The following TENM3 variants were observed in gnomAD, a reference collection of about 807,000 sequenced individuals.
TENM3 encodes the protein teneurin transmembrane protein 3.
A neutral mutation model predicts 255.1 loss-of-function variants in TENM3; 63 were observed. The ratio of observed to expected loss-of-function variants is 0.25; its 90% CI spans 0.20 to 0.30. TENM3 has a LOEUF of 0.30. TENM3 is among the 10% of genes least tolerant of loss of function. TENM3 has a pLI of 1.00. For missense variants in TENM3, 2,929 were observed against 3,461.1 expected (o/e 0.85, Z 3.86); for synonymous variants, 1,306 against 1,322.3 (o/e 0.99, Z 0.27).
chr4:181,735,642 C>A, the TENM3 span, among the ~76,000 whole-genome samples: 2 of 152,110 alleles, frequency 1.3e-5, no homozygotes, highest in African/African-American at 4.8e-5. Context: ...AGACATCTCT[C>A]TTATATGGCC....
At chr4:182,392,502 C>T (rs1463022447) in intron 3 of TENM3, among the ~76,000 whole-genome samples, 1 of 152,172 alleles carries the variant, frequency 6.6e-6, no homozygotes, top group East Asian at 1.9e-4. Flanking sequence ...AATCCATAAC[C>T]AGCATTTTTG....
At chr4:181,688,683 A>AT in the TENM3 span, among the ~76,000 whole-genome samples, 1 of 151,952 alleles carries the variant, frequency 6.6e-6, no homozygotes, top group Non-Finnish European at 1.5e-5. Flanking sequence ...GGGAAACAAT[A>AT]TTTTTTCTTG....
At chr4:182,187,380 A>T (rs1173171048) in intron 1 of TENM3, among the ~76,000 whole-genome samples, 1 of 152,216 alleles carries the variant, frequency 6.6e-6, no homozygotes, top group African/African-American at 2.4e-5. Flanking sequence ...TGGAGCTGTT[A>T]GTAGCTTTAA....
intron 3 of TENM3, among the ~76,000 whole-genome samples, chr4:182,493,122 C>A (rs969414523): frequency 6.6e-6 from 1 of 152,034 alleles, no homozygotes; most frequent in African/African-American, 2.4e-5. Flanking sequence ...TTGATAAATT[C>A]CTAGCTGCAT....
the TENM3 span, among the ~76,000 whole-genome samples, chr4:181,936,495 C>T: frequency 2.6e-5 from 4 of 151,764 alleles, no homozygotes; most frequent in Non-Finnish European, 5.9e-5. Context: ...TTTCGCCTAC[C>T]CTTCACACTC....
intron 12 of TENM3, among the ~76,000 whole-genome samples, chr4:182,692,722 A>G (rs1757102277): frequency 6.6e-6 from 1 of 152,234 alleles, no homozygotes; most frequent in African/African-American, 2.4e-5. Flanking sequence ...CAAGCTACTC[A>G]AGAAATTTTG....
At chr4:181,825,400 CAAAAAA>C in the TENM3 span, among the ~76,000 whole-genome samples, 898 of 70,426 alleles carry the variant, frequency 0.013, 5 homozygotes, top group African/African-American at 0.049. Context: ...GACTCCATCT[CAAAAAA>C]AAAAAAAAAA....
At chr4:181,653,211 T>C in the TENM3 span, among the ~76,000 whole-genome samples, 1 of 152,116 alleles carries the variant, frequency 6.6e-6, no homozygotes, top group Admixed American at 6.5e-5. Flanking sequence ...TTCCGCACTA[T>C]TCAGTGTCAT....
the TENM3 span, among the ~76,000 whole-genome samples, chr4:182,086,318 A>G: frequency 4.6e-4 from 70 of 152,342 alleles, no homozygotes; most frequent in African/African-American, 1.6e-3. Context: ...ACCTCTATAC[A>G]GTGCAGGAAT....
At chr4:181,876,159 T>A in the TENM3 span, among the ~76,000 whole-genome samples, 1 of 152,222 alleles carries the variant, frequency 6.6e-6, no homozygotes, top group East Asian at 1.9e-4. Flanking sequence ...ACAACTTGAA[T>A]GGCTATCCAG....
At chr4:181,629,126 G>C in the TENM3 span, among the ~76,000 whole-genome samples, 4 of 152,150 alleles carry the variant, frequency 2.6e-5, no homozygotes, top group South Asian at 4.2e-4. Flanking sequence ...TCATGATTTG[G>C]CTCTCTGTTT....
chr4:181,522,867 G>C, the TENM3 span: 5 of 1,000,260 alleles, frequency 5.0e-6, no homozygotes, highest in South Asian at 6.3e-5. Context: ...TGGTGTTTGT[G>C]CTGTTATTGT....
At chr4:182,094,546 A>C in the TENM3 span, among the ~76,000 whole-genome samples, 14 of 152,204 alleles carry the variant, frequency 9.2e-5, no homozygotes, top group Admixed American at 2.0e-4. Context: ...GCACGCAGCC[A>C]GCCAGCCTTA....
At chr4:181,921,945 A>G in the TENM3 span, among the ~76,000 whole-genome samples, 1,342 of 152,034 alleles carry the variant, frequency 8.8e-3, 27 homozygotes, top group African/African-American at 0.031. Context: ...TTAGCATGAA[A>G]GTTGTTGAAT....
intron 2 of TENM3, among the ~76,000 whole-genome samples, chr4:182,339,213 A>C (rs1580211942): frequency 6.6e-6 from 1 of 152,302 alleles, no homozygotes; most frequent in African/African-American, 2.4e-5. Context: ...GCAACTCCAA[A>C]GTTTATTACT....
rs771498932 is a variant in TENM3, at chr4:182,601,103, G to A, written c.691G>A (p.Glu231Lys). The change falls in exon 4 of 28, where the codon GAG becomes AAG. Residue 231 changes from glutamate to lysine, a missense_variant. Glu to Lys is a moderately conservative substitution (Grantham distance 56). This residue lies in a region of TENM3 where 1,608 missense variants were observed against 1,884.4 expected (regional missense o/e 0.85). Transcript: ENST00000511685. ...ALPAELQTTPESVQLQDSWVL... is the reference protein window; with the variant it reads ...ALPAELQTTPKSVQLQDSWVL... Reference sequence around the variant, plus strand: ...GCCCGCCGAGCTGCAAACCACACCCGAGTCCGTCCAGCTGCAGGACAGCTG... The same window carrying A: ...GCCCGCCGAGCTGCAAACCACACCCAAGTCCGTCCAGCTGCAGGACAGCTG... The A allele has an allele frequency of 6.2e-6, 10 of 1,613,610 alleles. No homozygotes were observed. Among genetic ancestry groups the A allele is most frequent in the East Asian group, 2.2e-5 (1 of 44,864 alleles).
chr4:182,210,526 T>C (rs1190442088), intron 1 of TENM3, among the ~76,000 whole-genome samples: 1 of 151,966 alleles, frequency 6.6e-6, no homozygotes, highest in African/African-American at 2.4e-5. Flanking sequence ...ATTATAATCA[T>C]GTCTCTTGGG....
At chr4:181,985,876 G>T in the TENM3 span, among the ~76,000 whole-genome samples, 1 of 152,004 alleles carries the variant, frequency 6.6e-6, no homozygotes, top group African/African-American at 2.4e-5. Context: ...TCTAGTTAAG[G>T]TTTCTTTTCT....
chr4:182,376,655 C>T (rs754422995), intron 3 of TENM3, among the ~76,000 whole-genome samples: 3 of 151,898 alleles, frequency 2.0e-5, no homozygotes, highest in South Asian at 2.1e-4. Flanking sequence ...ATTGGAGCAG[C>T]AACGTGGCAG....
Sources: allele counts gnomAD v4.1 joint callset (sites outside exome capture counted in the v4.1 genomes callset), GRCh38; gene constraint gnomAD v4.1.1; regional missense constraint gnomAD v4.1.1; transcripts MANE v1.5; gene names NCBI Gene and HGNC (gene_info 2026-07-23, HGNC 2026-07-21).